Variants in GLRA3 observed in about 807,000 individuals in gnomAD.
The protein encoded by GLRA3 is glycine receptor subunit alpha-3.
Under a neutral mutation model 60.4 loss-of-function variants are expected in GLRA3, and 44 were observed. The observed-to-expected ratio is 0.73, with a 90% CI of 0.57 to 0.94. GLRA3 has a LOEUF of 0.94. Among genes scored for constraint, GLRA3 ranks in the 40% least tolerant of loss-of-function variants. The pLI, the probability that GLRA3 is intolerant of heterozygous loss-of-function variation, is 0.00. For synonymous variants in GLRA3, 223 were observed against 192.9 expected, an observed-to-expected ratio of 1.16 and a Z score of -1.29; for missense variants, 508 against 564.6, an observed-to-expected ratio of 0.90 and a Z score of 1.02.
Position 174,643,696 on chromosome 4 carries a change from T to A in GLRA3, c.*90A>T. ...ATTTTAATACAATGGTCATCATTTG[T>A]ATACCACACGCACACATATACACAT... On this transcript the variant is annotated 3_prime_UTR_variant, in exon 10 of 10. Transcript: ENST00000274093. The A allele has an allele frequency of 6.7e-7, 1 of 1,486,890 alleles. No individual in the cohort carries two copies. Among genetic ancestry groups the A allele is most frequent in the Non-Finnish European group, 8.9e-7 (1 of 1,117,360 alleles). 92.1% of individuals were successfully genotyped at this position (1,486,890 alleles called of 1,614,324 possible).
chr4:174,782,392 C>T lies in GLRA3; in HGVS notation c.199+6424G>A, dbSNP rs970667098. ...AATGGGGAAAAACTGGAAGCATTCC[C>T]TTTGAAAACTGGCACAAGACAGGGA... On this transcript the variant is annotated intron_variant, in intron 2 of 9. Transcript: ENST00000274093. Among the ~76,000 whole-genome samples the T allele has an allele frequency of 3.6e-4, 55 of 151,404 alleles. 1 individual carries two copies. In the South Asian group the frequency reaches 4.0e-3, roughly 11 times the overall value.
intron 5 of GLRA3, among the ~76,000 whole-genome samples, chr4:174,695,220 T>C (rs898420160): frequency 6.6e-6 from 1 of 151,896 alleles, no homozygotes; most frequent in African/African-American, 2.4e-5. Context: ...GAGGAGGGAC[T>C]CCTCCTCAAC....
chr4:174,701,618 C>T (rs1430547664), intron 5 of GLRA3, among the ~76,000 whole-genome samples: 1 of 152,180 alleles, frequency 6.6e-6, no homozygotes, highest in African/African-American at 2.4e-5. Flanking sequence ...GCAAAGTAAA[C>T]TGAAAACCTA....
chr4:174,727,030 A>C (rs1370386179), intron 4 of GLRA3, among the ~76,000 whole-genome samples: 4 of 152,322 alleles, frequency 2.6e-5, no homozygotes, highest in Non-Finnish European at 4.4e-5. Flanking sequence ...ATATTAGTAC[A>C]TATTAGTTGT....
At chr4:174,827,542 A>G (rs1346673324) in intron 1 of GLRA3, among the ~76,000 whole-genome samples, 1 of 151,860 alleles carries the variant, frequency 6.6e-6, no homozygotes, top group Non-Finnish European at 1.5e-5. Flanking sequence ...AATTATTACA[A>G]ATCAAATTTC....
intron 2 of GLRA3, among the ~76,000 whole-genome samples, chr4:174,767,395 A>G (rs1738188429): frequency 6.6e-6 from 1 of 151,892 alleles, no homozygotes; most frequent in South Asian, 2.1e-4. Context: ...ATTTCTTTGC[A>G]TGTCTTATAT....
chr4:174,677,088 G>T lies in GLRA3; in HGVS notation c.917C>A (p.Ser306Tyr), dbSNP rs1462842454. ...ATTCAGTGCACTTACTTTTGGCAAG[G>T]AAGCTCGTGATCCTGAACTCTGTGT... The part of the protein sequence containing the change: ...MTTQSSGSRA[S>Y]LPKVSYVKAI... Residue 306 changes from serine (S) to tyrosine (Y), a missense_variant, in exon 7 of 10, where the codon TCC becomes TAC. This residue lies in a region of GLRA3 where 176 missense variants were observed against 197.9 expected (regional missense o/e 0.89). Transcript: ENST00000274093. 1 of 1,605,600 alleles carries T rather than the reference G, an allele frequency of 6.2e-7. No homozygotes were observed.
intron 5 of GLRA3, among the ~76,000 whole-genome samples, chr4:174,699,624 T>C (rs1443473238): frequency 2.6e-5 from 4 of 152,096 alleles, no homozygotes; most frequent in African/African-American, 9.7e-5. Context: ...TGTTTTCAAA[T>C]GTGGTATATC....
At chr4:174,822,292 T>C (rs376289234) in intron 1 of GLRA3, among the ~76,000 whole-genome samples, 2 of 152,194 alleles carry the variant, frequency 1.3e-5, no homozygotes, top group East Asian at 1.9e-4. Context: ...CCAAACTTCA[T>C]GCATGGAGCA....
intron 3 of GLRA3, among the ~76,000 whole-genome samples, chr4:174,756,864 G>T (rs919553125): frequency 6.6e-6 from 1 of 152,038 alleles, no homozygotes; most frequent in Non-Finnish European, 1.5e-5. Context: ...AGCCAGGATG[G>T]TCTCGTCTCC....
rs1561028476 is a variant in GLRA3 at position 174,644,044 on chromosome 4, G to C, written c.1137C>G (p.Ser379Arg). ...FSDMDDEVRE[S>R]RFSFTAYGMG... ...TTCCATAGGCTGTGAAGCTGAATCG[G>C]CTTTCCCTTACCTCATCATCCTGTC... The change falls in exon 10 of 10, where the codon AGC becomes AGG. Residue 379 changes from serine (S) to arginine (R), a missense_variant. Ser to Arg is a moderately radical substitution (Grantham distance 110). This residue lies in a region of GLRA3 where 176 missense variants were observed against 197.9 expected (regional missense o/e 0.89). Coordinates refer to ENST00000274093, the MANE Select transcript of GLRA3 (RefSeq NM_006529.4). The C allele has an allele frequency of 6.2e-7, 1 of 1,612,446 alleles. No homozygotes were observed. Among genetic ancestry groups the C allele is most frequent in the Non-Finnish European group, 8.5e-7 (1 of 1,178,846 alleles).
intron 1 of GLRA3, among the ~76,000 whole-genome samples, chr4:174,794,579 G>T (rs1323351859): frequency 6.6e-6 from 1 of 152,034 alleles, no homozygotes; most frequent in Non-Finnish European, 1.5e-5. Flanking sequence ...AGCACTCTCA[G>T]CACCCAATTA....
rs370870900 is a variant in GLRA3 at position 174,751,829 on chromosome 4, T to C, written c.267+15134A>G. Among the ~76,000 whole-genome samples, 106 of 152,198 alleles carry C rather than the reference T, an allele frequency of 7.0e-4. 1 individual carries two copies. In the Middle Eastern group the frequency reaches 0.02, roughly 29 times the overall value. On this transcript the variant is annotated intron_variant, in intron 3 of 9. Coordinates refer to ENST00000274093, the MANE Select transcript of GLRA3 (RefSeq NM_006529.4). ...GGTGAAAGAATGCTTACCCTTTTTA[T>C]GTATAATTCAGAGATATGTACAGAG...
At chr4:174,797,689 C>G (rs1431885312) in intron 1 of GLRA3, among the ~76,000 whole-genome samples, 1 of 151,936 alleles carries the variant, frequency 6.6e-6, no homozygotes, top group African/African-American at 2.4e-5. Flanking sequence ...AATCCCAGCA[C>G]CGGGCGGCCA....
chr4:174,828,300 C>G (rs1181575136), intron 1 of GLRA3, among the ~76,000 whole-genome samples: 1 of 152,178 alleles, frequency 6.6e-6, no homozygotes, highest in East Asian at 1.9e-4. Flanking sequence ...ATAGCAACAA[C>G]ATTTGGAGTT....
At chr4:174,746,811 A>G (rs1450643442) in intron 3 of GLRA3, among the ~76,000 whole-genome samples, 1 of 152,196 alleles carries the variant, frequency 6.6e-6, no homozygotes, top group Non-Finnish European at 1.5e-5. Flanking sequence ...TGCATGAAAC[A>G]AATACTCACA....
At chr4:174,821,748 C>G (rs1230675318) in intron 1 of GLRA3, among the ~76,000 whole-genome samples, 1 of 152,026 alleles carries the variant, frequency 6.6e-6, no homozygotes, top group African/African-American at 2.4e-5. Context: ...GGCAAAGAAC[C>G]AAACCCTTCT....
At chr4:174,740,909 A>T (rs966429912) in intron 3 of GLRA3, among the ~76,000 whole-genome samples, 1 of 152,182 alleles carries the variant, frequency 6.6e-6, no homozygotes, top group Non-Finnish European at 1.5e-5. Flanking sequence ...TATTGTGTGT[A>T]TCAGTTTATT....
chr4:174,803,362 T>C (rs979206440), intron 1 of GLRA3, among the ~76,000 whole-genome samples: 1 of 152,164 alleles, frequency 6.6e-6, no homozygotes, highest in Non-Finnish European at 1.5e-5. Context: ...TTATTTATTT[T>C]AAAGGAAACT....
Sources: gnomAD v4.1 joint callset for allele counts (sites outside exome capture counted in the v4.1 genomes callset) on GRCh38, gnomAD v4.1.1 for gene constraint, gnomAD v4.1.1 regional missense constraint, MANE v1.5 for transcripts, NCBI Gene and HGNC (gene_info 2026-07-23, HGNC 2026-07-21) for gene names.